Variants in RTL4 observed in about 807,000 individuals in gnomAD.
The protein encoded by RTL4 is retrotransposon Gag like 4, also known as retrotransposon Gag-like protein 4.
RTL4 carries 4 observed loss-of-function variants against 5.3 expected under a neutral mutation model. The ratio of observed to expected loss-of-function variants is 0.75; its 90% confidence interval spans 0.37 to 1.72. The LOEUF (loss-of-function observed/expected upper bound fraction) is 1.72. Among genes scored for constraint, RTL4 ranks in the 40% most tolerant of loss-of-function variants. RTL4 has a pLI of 0.04. For synonymous variants in RTL4, 98 were observed against 87.3 expected, an observed-to-expected ratio of 1.12 and a Z score of -0.68; for missense variants, 260 against 227.1, an observed-to-expected ratio of 1.14 and a Z score of -0.93.
chrX:112,332,129 G>A, the RTL4 span, among the ~76,000 whole-genome samples: 1 of 107,548 alleles, frequency 9.3e-6, no homozygotes. Flanking sequence ...TGCACATTGT[G>A]CACATGTACC....
At chrX:112,410,110 C>A in the RTL4 span, among the ~76,000 whole-genome samples, 1 of 111,229 alleles carries the variant, frequency 9.0e-6, no homozygotes, top group Non-Finnish European at 1.9e-5. Context: ...GACTTTAGAA[C>A]AAAAAACTAT....
chrX:112,160,927 G>C, the RTL4 span, among the ~76,000 whole-genome samples: 1 of 110,198 alleles, frequency 9.1e-6, no homozygotes, highest in African/African-American at 3.3e-5. Flanking sequence ...TGTTAACTGT[G>C]TGGAAACAGA....
At chrX:112,246,268 G>C in the RTL4 span, among the ~76,000 whole-genome samples, 1 of 111,954 alleles carries the variant, frequency 8.9e-6, no homozygotes, top group African/African-American at 3.2e-5. Flanking sequence ...CAACAGGGAT[G>C]TTTAAGTCTG....
chrX:112,242,662 C>G, the RTL4 span, among the ~76,000 whole-genome samples: 1 of 111,587 alleles, frequency 9.0e-6, no homozygotes, highest in South Asian at 3.8e-4. Context: ...TTTAACTCCT[C>G]TTTTCCTAAT....
chrX:112,383,012 A>C, the RTL4 span, among the ~76,000 whole-genome samples: 109 of 111,982 alleles, frequency 9.7e-4, 1 homozygote, highest in African/African-American at 3.4e-3. Context: ...ACTTTTTTTT[A>C]AGTGCCATCG....
At chrX:112,380,561 T>G in the RTL4 span, among the ~76,000 whole-genome samples, 2 of 112,168 alleles carry the variant, frequency 1.8e-5, no homozygotes, top group African/African-American at 6.5e-5. Context: ...TTGTTTCCAG[T>G]TTTGTGATTA....
chrX:112,114,473 T>G, the RTL4 span, among the ~76,000 whole-genome samples: 2 of 111,879 alleles, frequency 1.8e-5, no homozygotes, highest in Non-Finnish European at 3.8e-5. Context: ...CCATGTGAGG[T>G]CGAAGCTTTG....
the RTL4 span, among the ~76,000 whole-genome samples, chrX:112,306,938 C>A: frequency 8.3e-4 from 93 of 111,621 alleles, no homozygotes; most frequent in Non-Finnish European, 1.3e-3. Flanking sequence ...CACTTCCTGA[C>A]CTCCTCTCAG....
chrX:112,138,046 G>T, the RTL4 span, among the ~76,000 whole-genome samples: 1 of 112,075 alleles, frequency 8.9e-6, no homozygotes, highest in South Asian at 3.7e-4. Context: ...ACATACAATG[G>T]AATACTATTC....
the RTL4 span, among the ~76,000 whole-genome samples, chrX:112,394,328 A>G: frequency 9.0e-6 from 1 of 111,352 alleles, no homozygotes; most frequent in African/African-American, 3.3e-5. Context: ...ATTCCTCTCC[A>G]TGAGAGATGC....
At chrX:112,285,316 T>G in the RTL4 span, among the ~76,000 whole-genome samples, 1 of 111,975 alleles carries the variant, frequency 8.9e-6, no homozygotes, top group Non-Finnish European at 1.9e-5. Flanking sequence ...GTAATATTAG[T>G]GGAATTCCCA....
the RTL4 span, among the ~76,000 whole-genome samples, chrX:112,410,226 A>G: frequency 4.5e-5 from 5 of 112,123 alleles, no homozygotes; most frequent in African/African-American, 6.5e-5. Context: ...ACAGATATAT[A>G]AAGATATGAA....
the RTL4 span, among the ~76,000 whole-genome samples, chrX:112,125,065 T>C: frequency 9.4e-6 from 1 of 106,120 alleles, no homozygotes; most frequent in East Asian, 2.9e-4. Flanking sequence ...CACACCTGGC[T>C]AATTTTTTTT....
At chrX:112,261,836 A>T in the RTL4 span, among the ~76,000 whole-genome samples, 1 of 112,018 alleles carries the variant, frequency 8.9e-6, no homozygotes, top group East Asian at 2.8e-4. Flanking sequence ...TACTGGTACC[A>T]AAACAGAGAT....
the RTL4 span, among the ~76,000 whole-genome samples, chrX:112,125,632 G>T: frequency 9.0e-6 from 1 of 111,637 alleles, no homozygotes; most frequent in Admixed American, 9.5e-5. Flanking sequence ...ACCCCTGCCC[G>T]CCCATGGAGG....
the RTL4 span, among the ~76,000 whole-genome samples, chrX:112,213,373 G>A: frequency 8.9e-6 from 1 of 112,439 alleles, no homozygotes; most frequent in Non-Finnish European, 1.9e-5. Flanking sequence ...TTTGCCTATT[G>A]TAAGCATTCA....
the RTL4 span, among the ~76,000 whole-genome samples, chrX:112,408,052 A>C: frequency 1.8e-5 from 2 of 111,730 alleles, no homozygotes; most frequent in African/African-American, 6.5e-5. Context: ...CCCAGACTGC[A>C]AAGAGTAAAA....
At chrX:112,344,851 G>A in the RTL4 span, among the ~76,000 whole-genome samples, 1 of 111,754 alleles carries the variant, frequency 8.9e-6, no homozygotes, top group Non-Finnish European at 1.9e-5. Context: ...AGTTCCACAT[G>A]GCTGGGGAGG....
At chrX:112,372,085 A>AG in the RTL4 span, among the ~76,000 whole-genome samples, 1 of 112,157 alleles carries the variant, frequency 8.9e-6, no homozygotes, top group Non-Finnish European at 1.9e-5. Flanking sequence ...AATTAAAAAA[A>AG]CATTTATGGC....
Sources: allele counts gnomAD v4.1 joint callset (sites outside exome capture counted in the v4.1 genomes callset), GRCh38; gene constraint gnomAD v4.1.1; transcripts MANE v1.5; gene names NCBI Gene and HGNC (gene_info 2026-07-23, HGNC 2026-07-21).